Variants in FOXP2 observed in about 807,000 individuals in gnomAD.
The protein encoded by FOXP2 is forkhead box protein P2.
FOXP2 carries 12 observed loss-of-function variants against 115.8 expected under a neutral mutation model. The observed-to-expected ratio is 0.10, with a 90% CI of 0.07 to 0.17. The LOEUF (loss-of-function observed/expected upper bound fraction) is 0.17. FOXP2 is among the 10% of genes least tolerant of loss of function. The probability of loss-of-function intolerance (pLI) is 1.00; values close to 1 mark genes in which losing one functional copy is unlikely to be tolerated. For missense variants in FOXP2, 629 were observed against 843.5 expected (o/e 0.75, Z 3.15); for synonymous variants, 328 against 297.7 (o/e 1.10, Z -1.05).
At chr7:114,255,200 C>T (rs1367994242) in intron 1 of FOXP2, among the ~76,000 whole-genome samples, 1 of 84 alleles carries the variant, frequency 0.012, no homozygotes. Flanking sequence ...CAGTCTGCCC[C>T]TACTGGCGAT....
At chr7:114,212,120 AAAAT>A (rs1390254940) in intron 1 of FOXP2, among the ~76,000 whole-genome samples, 3 of 46,076 alleles carry the variant, frequency 6.5e-5, no homozygotes, top group African/African-American at 1.2e-4. Context: ...AAAATAAAAT[AAAAT>A]ATATATATAT....
rs28694784 is a variant in FOXP2 at position 114,521,035 on chromosome 7, T to A, written c.169-13582T>A. On this transcript the variant is annotated intron_variant, in intron 2 of 16. Coordinates refer to ENST00000350908, the MANE Select transcript of FOXP2 (RefSeq NM_014491.4). Reference sequence around the variant, plus strand: ...CAGAAGAGGATTGTATTAAAGAAAATTGAGCTTTCTAAAGACTGGAAATAA... The same window carrying A: ...CAGAAGAGGATTGTATTAAAGAAAAATGAGCTTTCTAAAGACTGGAAATAA... Among the ~76,000 whole-genome samples the A allele has an allele frequency of 4.1e-3, 629 of 152,066 alleles. 6 individuals carry two copies. Among genetic ancestry groups the A allele is most frequent in the African/African-American group, 0.014 (582 of 41,500 alleles).
Position 114,654,209 on chromosome 7 carries a change from A to C in FOXP2, c.1266+200A>C. ...CTTTTACAAAATCTATCCAATCTACACCATGGGTGACACTAAACAAAGTAC... is the reference window on the plus strand; with the variant it reads ...CTTTTACAAAATCTATCCAATCTACCCCATGGGTGACACTAAACAAAGTAC... On this transcript the variant is annotated intron_variant, in intron 10 of 16. Transcript: ENST00000350908. 3.9e-6 allele frequency: 5 copies of C among 1,279,930 alleles called. 1 individual carries two copies. The Admixed American group carries it at 1.2e-4, about 30-fold the overall frequency. 79.3% of individuals were successfully genotyped at this position (1,279,930 alleles called of 1,614,324 possible).
Position 114,402,051 on chromosome 7 carries a change from G to A in FOXP2, c.-10-24451G>A, listed in dbSNP as rs147999402. ...GCACAAGATTCCCTTGAACCCGTGA[G>A]GCAGAGGTTGCAGTGAGCTGAGATC... On this transcript the variant is annotated intron_variant, in intron 2 of 17. Coordinates refer to the FOXP2 transcript ENST00000634411. 1.4e-3 allele frequency among the ~76,000 whole-genome samples: 209 copies of A among 152,298 alleles called. 1 individual carries two copies. The highest frequency in any genetic ancestry group is 4.8e-3 in the African/African-American group (198 of 41,572).
At chr7:114,394,221 T>G (rs1792683384) in intron 2 of FOXP2, among the ~76,000 whole-genome samples, 1 of 151,902 alleles carries the variant, frequency 6.6e-6, no homozygotes, top group African/African-American at 2.4e-5. Flanking sequence ...AAGGAAACAC[T>G]TAAGGAATGA....
At chr7:114,304,574 A>G (rs542899928) in intron 2 of FOXP2, among the ~76,000 whole-genome samples, 1 of 149,056 alleles carries the variant, frequency 6.7e-6, no homozygotes, top group South Asian at 2.1e-4. Flanking sequence ...GGAGGCTGAA[A>G]CATGAGAATT....
chr7:114,237,806 T>A (rs1337476046), intron 1 of FOXP2, among the ~76,000 whole-genome samples: 1 of 151,994 alleles, frequency 6.6e-6, no homozygotes, highest in Non-Finnish European at 1.5e-5. Context: ...AAACACCCTG[T>A]CTACTAAAAA....
chr7:114,568,429 T>A (rs1480629953), intron 3 of FOXP2, among the ~76,000 whole-genome samples: 1 of 147,510 alleles, frequency 6.8e-6, no homozygotes, highest in East Asian at 1.9e-4. Context: ...TGTGGGTTTT[T>A]TTTTGGGGGG....
At position 114,679,769 on chromosome 7, in the gene FOXP2, C is replaced by T. The variant is rs552110115; in HGVS notation, c.2004-10013C>T. On this transcript the variant is annotated intron_variant, in intron 16 of 16. Transcript: ENST00000350908. Reference sequence around the variant, plus strand: ...CTATTACAAAGCCTACGTGAAGCTACACCACTCTCCTTCATAGAGCATTCA... The same window carrying T: ...CTATTACAAAGCCTACGTGAAGCTATACCACTCTCCTTCATAGAGCATTCA... Among the ~76,000 whole-genome samples, 4 of 152,258 alleles carry T rather than the reference C, an allele frequency of 2.6e-5. No homozygotes were observed. The South Asian group carries it at 6.2e-4, about 24-fold the overall frequency.
intron 2 of FOXP2, among the ~76,000 whole-genome samples, chr7:114,383,591 G>A (rs1347973207): frequency 6.6e-6 from 1 of 152,162 alleles, no homozygotes; most frequent in African/African-American, 2.4e-5. Flanking sequence ...TTCTACAAAA[G>A]AGGTCTAGCT....
chr7:114,096,589 T>C (rs1270798103), intron 1 of FOXP2, among the ~76,000 whole-genome samples: 1 of 152,216 alleles, frequency 6.6e-6, no homozygotes, highest in Non-Finnish European at 1.5e-5. Flanking sequence ...ATCTTCCTAA[T>C]TGTGTCCTGA....
rs113122981 is a variant in FOXP2 at position 114,484,857 on chromosome 7, G to T, written c.169-49760G>T. 1.5e-3 allele frequency among the ~76,000 whole-genome samples: 224 copies of T among 151,904 alleles called. 1 individual carries two copies. Among genetic ancestry groups the T allele is most frequent in the African/African-American group, 5.1e-3 (212 of 41,528 alleles). On this transcript the variant is annotated intron_variant, in intron 2 of 16. Transcript: ENST00000350908. ...AGAAGGAAGTTAGCTATAAAGAATA[G>T]CTTTTTGGGTTATTTTTTAATTGTA...
chr7:114,672,948 G>C (rs189371003), intron 16 of FOXP2, among the ~76,000 whole-genome samples: 32 of 152,268 alleles, frequency 2.1e-4, no homozygotes, highest in Non-Finnish European at 1.0e-4. Flanking sequence ...ACAGCAGTAG[G>C]GCTCAACTAC....
At chr7:114,651,889 C>G (rs997967123) in intron 8 of FOXP2, among the ~76,000 whole-genome samples, 1 of 151,994 alleles carries the variant, frequency 6.6e-6, no homozygotes, top group African/African-American at 2.4e-5. Context: ...GTAAGCTGTT[C>G]TTTTTAAAAA....
intron 1 of FOXP2, among the ~76,000 whole-genome samples, chr7:114,251,841 G>C (rs1206017197): frequency 6.6e-6 from 1 of 152,188 alleles, no homozygotes; most frequent in Non-Finnish European, 1.5e-5. Context: ...AATAGGAGTG[G>C]TGAGAGAGGG....
chr7:114,638,626 T>A (rs369122872), intron 6 of FOXP2, among the ~76,000 whole-genome samples: 1 of 152,166 alleles, frequency 6.6e-6, no homozygotes, highest in Admixed American at 6.5e-5. Flanking sequence ...AATAGTTTTC[T>A]TTTTAAAAAT....
At chr7:114,183,237 C>T (rs530726931) in intron 1 of FOXP2, among the ~76,000 whole-genome samples, 18 of 152,122 alleles carry the variant, frequency 1.2e-4, no homozygotes, top group Non-Finnish European at 1.6e-4. Flanking sequence ...TTAATCTATG[C>T]AATAATCAGA....
At chr7:114,501,663 T>C (rs939883164) in intron 2 of FOXP2, among the ~76,000 whole-genome samples, 2 of 152,240 alleles carry the variant, frequency 1.3e-5, no homozygotes, top group East Asian at 3.9e-4. Flanking sequence ...AAAGAAAATA[T>C]ATCCAGTTAC....
At chr7:114,325,370 AT>A (rs1797529593) in intron 2 of FOXP2, among the ~76,000 whole-genome samples, 1 of 151,876 alleles carries the variant, frequency 6.6e-6, no homozygotes, top group South Asian at 2.1e-4. Flanking sequence ...TTCAGATAAG[AT>A]TAAACATTTT....
Sources: gnomAD v4.1 joint callset for allele counts (sites outside exome capture counted in the v4.1 genomes callset) on GRCh38, gnomAD v4.1.1 for gene constraint, MANE v1.5 for transcripts, NCBI Gene and HGNC (gene_info 2026-07-23, HGNC 2026-07-21) for gene names.